The following SCN8A variants were observed in gnomAD, a reference collection of about 807,000 sequenced individuals.
SCN8A encodes the protein sodium voltage-gated channel alpha subunit 8, also known as sodium channel protein type 8 subunit alpha.
A neutral mutation model predicts 184.1 loss-of-function variants in SCN8A; 30 were observed. The observed-to-expected ratio is 0.16, with a 90% CI of 0.12 to 0.22. The LOEUF (loss-of-function observed/expected upper bound fraction) is 0.22. Among genes scored for constraint, SCN8A ranks in the 10% least tolerant of loss-of-function variants. SCN8A has a pLI of 1.00. For synonymous variants in SCN8A, 852 were observed against 907.0 expected (o/e 0.94, Z 1.09); for missense variants, 1,057 against 2,498.9 (o/e 0.42, Z 12.30).
chr12:51,705,288 GTAC>G, intron 9 of SCN8A, 126 bp from the exon 10 acceptor site: 1 of 739,586 alleles, frequency 1.4e-6, no homozygotes, highest in South Asian at 1.9e-5. Context: ...ATAGGAAGGA[GTAC>G]TGCACAAGGA....
intron 1 of SCN8A, among the ~76,000 whole-genome samples, chr12:51,618,886 T>A (rs983656915): frequency 1.3e-5 from 2 of 152,322 alleles, no homozygotes; most frequent in Admixed American, 6.5e-5. Context: ...TCCTCCTTTT[T>A]AATTTTTAAA....
chr12:51,617,199 T>C (rs1274338679), intron 1 of SCN8A, among the ~76,000 whole-genome samples: 1 of 152,196 alleles, frequency 6.6e-6, no homozygotes, highest in East Asian at 1.9e-4. Flanking sequence ...TTTTGTGCAC[T>C]ATACTTTCTC....
At chr12:51,629,773 A>G (rs1489850538) in intron 1 of SCN8A, among the ~76,000 whole-genome samples, 4 of 152,056 alleles carry the variant, frequency 2.6e-5, no homozygotes, top group African/African-American at 9.7e-5. Context: ...GAGAGGGCTA[A>G]GAGGTGGGAA....
chr12:51,610,450 G>GT (rs764583015), intron 1 of SCN8A, among the ~76,000 whole-genome samples: 8 of 151,934 alleles, frequency 5.3e-5, no homozygotes, highest in Non-Finnish European at 1.0e-4. Context: ...TTTGTTTTTT[G>GT]TTTTTGCTTT....
intron 1 of SCN8A, among the ~76,000 whole-genome samples, chr12:51,614,515 G>C (rs1306098485): frequency 2.0e-5 from 3 of 152,058 alleles, no homozygotes; most frequent in Admixed American, 1.3e-4. Flanking sequence ...ATAGTAAAGA[G>C]AGTTCTTGTA....
chr12:51,799,025 G>A (rs1338354262), intron 26 of SCN8A, among the ~76,000 whole-genome samples: 2 of 152,224 alleles, frequency 1.3e-5, no homozygotes, highest in African/African-American at 2.4e-5. Flanking sequence ...CTTCAGGGAT[G>A]TCCTAGAAAG....
intron 14 of SCN8A, among the ~76,000 whole-genome samples, chr12:51,752,820 A>G (rs1942616663): frequency 1.3e-5 from 2 of 152,224 alleles, no homozygotes; most frequent in South Asian, 2.1e-4. Flanking sequence ...CAACAATATC[A>G]TTTAGATATA....
rs796653928 is a variant in SCN8A at position 51,663,903 on chromosome 12, A to ATTTTTTTTTTT, written c.276+824_276+834dup. The stretch of plus-strand genomic sequence containing the variant: ...TTTTAGGGAACCCCTCATTTGACAG[A>ATTTTTTTTTTT]TTTTTTTTTTTTTTTTTTTTTTTTG... On this transcript the variant is annotated intron_variant, in intron 2 of 26. Transcript: ENST00000627620. Among the ~76,000 whole-genome samples the ATTTTTTTTTTT allele has an allele frequency of 7.2e-4, 50 of 69,816 alleles. 3 individuals carry two copies. The highest frequency in any genetic ancestry group is 1.4e-3 in the African/African-American group (28 of 20,738). 45.8% of individuals were successfully genotyped at this position (69,816 alleles called of 152,430 possible).
At chr12:51,802,972 A>G (rs1938597160) in intron 26 of SCN8A, among the ~76,000 whole-genome samples, 4 of 152,210 alleles carry the variant, frequency 2.6e-5, no homozygotes, top group Admixed American at 2.6e-4. Flanking sequence ...CTGTTCCTCT[A>G]GACCCACTCC....
At chr12:51,752,427 C>T (rs1367723720) in intron 14 of SCN8A, among the ~76,000 whole-genome samples, 4 of 151,698 alleles carry the variant, frequency 2.6e-5, no homozygotes. Flanking sequence ...CTCACACACA[C>T]ACACACACCA....
At chr12:51,607,718 C>G (rs1456989190) in intron 1 of SCN8A, among the ~76,000 whole-genome samples, 1 of 152,114 alleles carries the variant, frequency 6.6e-6, no homozygotes, top group South Asian at 2.1e-4. Flanking sequence ...TGTTTATGTG[C>G]TGTATCACAT....
At chr12:51,648,583 A>C (rs777421163) in intron 1 of SCN8A, among the ~76,000 whole-genome samples, 1 of 152,214 alleles carries the variant, frequency 6.6e-6, no homozygotes, top group Admixed American at 6.5e-5. Flanking sequence ...GGCAATTCTT[A>C]CATGGCAGCA....
At chr12:51,755,419 C>T (rs940319545) in intron 14 of SCN8A, among the ~76,000 whole-genome samples, 2 of 152,126 alleles carry the variant, frequency 1.3e-5, no homozygotes, top group African/African-American at 4.8e-5. Flanking sequence ...TTTCTGGTAC[C>T]ACAAGGTATT....
chr12:51,704,043 G>T (rs967454202), intron 9 of SCN8A, among the ~76,000 whole-genome samples: 1 of 151,600 alleles, frequency 6.6e-6, no homozygotes, highest in Admixed American at 6.6e-5. Context: ...CAGGCATGAC[G>T]CACGCACCTG....
chr12:51,688,760 A>G (rs1289098571), intron 5 of SCN8A: 6 of 1,612,310 alleles, frequency 3.7e-6, no homozygotes, highest in Non-Finnish European at 5.1e-6. Flanking sequence ...TTCTGCAGGT[A>G]TATAACAGAG....
chr12:51,622,422 G>C (rs145946855), intron 1 of SCN8A, among the ~76,000 whole-genome samples: 228 of 152,250 alleles, frequency 1.5e-3, no homozygotes, highest in African/African-American at 5.4e-3. Flanking sequence ...TGTCTCCTTA[G>C]TCTCTTCTGG....
In SCN8A at chr12:51,810,533, G is replaced by T. The variant is rs1175410382; in HGVS notation, c.*3104G>T. 1 of 195,772 alleles carries T rather than the reference G, an allele frequency of 5.1e-6. No individual in the cohort carries two copies. The highest frequency in any genetic ancestry group is 1.1e-5 in the Non-Finnish European group (1 of 95,070). The allele number at this position is 195,772 out of a possible 1,614,324, so 12.1% of individuals were successfully genotyped here. A position where few individuals can be genotyped will look rare whatever the true frequency, so the allele number is the denominator to read the frequency against. On this transcript the variant is annotated 3_prime_UTR_variant, in exon 27 of 27. Coordinates refer to ENST00000627620, the MANE Select transcript of SCN8A (RefSeq NM_001330260.2). ...CAGTATCACTGCACATATATATATA[G>T]ATATATAAATATAATATAAATATTT... is the stretch of plus-strand genomic sequence containing the variant.
At chr12:51,790,536 G>A (rs751110549) in intron 25 of SCN8A, 34 bp downstream of exon 25, 1 of 1,411,902 alleles carries the variant, frequency 7.1e-7, no homozygotes, top group South Asian at 1.2e-5. Flanking sequence ...GCCTTGGTGA[G>A]AACCCATATA....
intron 12 of SCN8A, among the ~76,000 whole-genome samples, chr12:51,740,685 T>A (rs1181926523): frequency 2.0e-5 from 3 of 152,206 alleles, no homozygotes; most frequent in Non-Finnish European, 4.4e-5. Flanking sequence ...TAGGTCATCC[T>A]TAGTGTAGGT....
Sources: gnomAD v4.1 joint callset for allele counts (sites outside exome capture counted in the v4.1 genomes callset) on GRCh38, gnomAD v4.1.1 for gene constraint, MANE v1.5 for transcripts, NCBI Gene and HGNC (gene_info 2026-07-23, HGNC 2026-07-21) for gene names.